IRGM: variants seen among roughly 807,000 people sequenced by gnomAD.
The protein encoded by IRGM is immunity-related GTPase family M protein.
For synonymous variants in IRGM, 98 were observed against 80.6 expected (o/e 1.22, Z -1.16); for missense variants, 288 against 219.9 (o/e 1.31, Z -1.96).
At chr5:150,858,508 A>G (rs926712013) in intron 1 of IRGM, among the ~76,000 whole-genome samples, 1 of 152,220 alleles carries the variant, frequency 6.6e-6, no homozygotes, top group African/African-American at 2.4e-5. Flanking sequence ...TCTATCAATT[A>G]CCTTGGGCAG....
chr5:150,852,199 A>G (rs147261219), downstream of IRGM, among the ~76,000 whole-genome samples: 11 of 152,304 alleles, frequency 7.2e-5, no homozygotes, highest in African/African-American at 2.6e-4. Context: ...TAGCGTAATG[A>G]CTAAATCAGA....
chr5:150,856,166 C>T (rs1217884607), intron 1 of IRGM, among the ~76,000 whole-genome samples: 1 of 152,148 alleles, frequency 6.6e-6, no homozygotes. Context: ...GGGGTGGCGG[C>T]TCATACCTGT....
At chr5:150,901,820 A>G (rs2113031464), downstream of IRGM, among the ~76,000 whole-genome samples, 1 of 152,258 alleles carries the variant, frequency 6.6e-6, no homozygotes, top group African/African-American at 2.4e-5. Flanking sequence ...TGCATCTGAT[A>G]AAATAGTAAA....
At chr5:150,892,820 C>T in intron 3 of IRGM, among the ~76,000 whole-genome samples, 1 of 152,126 alleles carries the variant, frequency 6.6e-6, no homozygotes, top group East Asian at 1.9e-4. Context: ...GGTGCAATCA[C>T]TGCAGCCTTG....
chr5:150,899,300 T>C (rs1754910857), intron 3 of IRGM, among the ~76,000 whole-genome samples: 2 of 152,026 alleles, frequency 1.3e-5, no homozygotes, highest in South Asian at 4.1e-4. Context: ...TAGATTCTGA[T>C]GGAATAAAAA....
chr5:150,870,656 C>G (rs1012843914), intron 1 of IRGM, among the ~76,000 whole-genome samples: 2 of 151,736 alleles, frequency 1.3e-5, no homozygotes, highest in African/African-American at 4.8e-5. Context: ...TTTCCTGGTC[C>G]TAGGATGGTA....
At chr5:150,858,441 A>C (rs953713079) in intron 1 of IRGM, among the ~76,000 whole-genome samples, 43 of 152,256 alleles carry the variant, frequency 2.8e-4, no homozygotes, top group African/African-American at 1.0e-3. Flanking sequence ...ACTTTAAAGT[A>C]GTTTTTTCCA....
At chr5:150,870,918 G>A (rs188531276) in intron 1 of IRGM, among the ~76,000 whole-genome samples, 3 of 151,514 alleles carry the variant, frequency 2.0e-5, no homozygotes, top group East Asian at 1.9e-4. Flanking sequence ...CGTCTTGATC[G>A]AATCTGAAGG....
downstream of IRGM, among the ~76,000 whole-genome samples, chr5:150,901,083 G>A (rs897172368): frequency 6.6e-6 from 1 of 151,990 alleles, no homozygotes; most frequent in African/African-American, 2.4e-5. Flanking sequence ...AGGAGGATAT[G>A]TGTAAAAACG....
chr5:150,876,469 T>C (rs941069309), intron 1 of IRGM, among the ~76,000 whole-genome samples: 2 of 152,216 alleles, frequency 1.3e-5, no homozygotes, highest in African/African-American at 2.4e-5. Context: ...GATTGCCACC[T>C]GGACACTTTT....
chr5:150,861,604 G>T (rs1561743457), intron 1 of IRGM, among the ~76,000 whole-genome samples: 1 of 152,128 alleles, frequency 6.6e-6, no homozygotes, highest in Non-Finnish European at 1.5e-5. Context: ...TCTGTTCATT[G>T]GATGTTGGGA....
chr5:150,899,096 AG>A, intron 3 of IRGM, among the ~76,000 whole-genome samples: 1 of 152,186 alleles, frequency 6.6e-6, no homozygotes, highest in African/African-American at 2.4e-5. Flanking sequence ...AAAAGAAGAT[AG>A]TTATAAAGAA....
At chr5:150,896,674 C>CA (rs1754796697) in intron 3 of IRGM, 2 of 1,613,350 alleles carry the variant, frequency 1.2e-6, no homozygotes, top group South Asian at 2.2e-5. Flanking sequence ...TTTTTAAAAG[C>CA]ATCATATTTA....
At chr5:150,893,462 TGAG>T (rs1274329917) in intron 3 of IRGM, among the ~76,000 whole-genome samples, 2 of 152,180 alleles carry the variant, frequency 1.3e-5, no homozygotes, top group African/African-American at 4.8e-5. Flanking sequence ...AAAAGGTTGT[TGAG>T]GTGTTGATAT....
chr5:150,872,774 C>T (rs1426379753), intron 1 of IRGM, among the ~76,000 whole-genome samples: 1 of 152,114 alleles, frequency 6.6e-6, no homozygotes, highest in Admixed American at 6.5e-5. Flanking sequence ...CTGGAAATGC[C>T]TAATCTCCCT....
At chr5:150,871,559 G>A (rs990250760) in intron 1 of IRGM, among the ~76,000 whole-genome samples, 3 of 152,152 alleles carry the variant, frequency 2.0e-5, no homozygotes, top group Admixed American at 1.3e-4. Context: ...GCCTGGGTGG[G>A]GTTCCTTAAA....
Position 150,886,556 on chromosome 5 carries a change from T to A in IRGM, c.*140+6910T>A, listed in dbSNP as rs149827225. Among the ~76,000 whole-genome samples, 92 of 152,050 alleles carry A rather than the reference T, an allele frequency of 6.1e-4. 1 individual carries two copies. The East Asian group carries it at 0.017, about 28-fold the overall frequency. On this transcript the variant is annotated intron_variant and NMD_transcript_variant, in intron 3 of 3. Transcript: ENST00000520549. ...GGCTTTTTTTGGTTGGTAGGCTACT[T>A]GTTACTGATTCAATTTCAGAGCTCA... is the stretch of plus-strand genomic sequence containing the variant.
At chr5:150,888,989 T>C (rs1274366165) in intron 3 of IRGM, among the ~76,000 whole-genome samples, 1 of 152,118 alleles carries the variant, frequency 6.6e-6, no homozygotes, top group Non-Finnish European at 1.5e-5. Context: ...TATTTTATTA[T>C]GTCTATTCAT....
chr5:150,849,148 A>G (rs981937156), downstream of IRGM, among the ~76,000 whole-genome samples: 2 of 152,136 alleles, frequency 1.3e-5, no homozygotes, highest in African/African-American at 4.8e-5. Context: ...TTTATCAGTA[A>G]TAATAAAGAC....
Sources: allele counts gnomAD v4.1 joint callset (sites outside exome capture counted in the v4.1 genomes callset), GRCh38; gene constraint gnomAD v4.1.1; transcripts MANE v1.5; gene names NCBI Gene and HGNC (gene_info 2026-07-23, HGNC 2026-07-21).